CACNB2: variants seen among roughly 807,000 people sequenced by gnomAD.
CACNB2 encodes the protein calcium voltage-gated channel auxiliary subunit beta 2, also known as voltage-dependent L-type calcium channel subunit beta-2.
Under a neutral mutation model 73.3 loss-of-function variants are expected in CACNB2, and 42 were observed. The observed-to-expected ratio is 0.57, with a 90% CI of 0.45 to 0.74. The LOEUF is 0.74. Among genes scored for constraint, CACNB2 ranks in the 30% least tolerant of loss-of-function variants. The pLI, the probability that CACNB2 is intolerant of heterozygous loss-of-function variation, is 0.00. For synonymous variants in CACNB2, 348 were observed against 310.3 expected, an observed-to-expected ratio of 1.12 and a Z score of -1.28; for missense variants, 940 against 853.0, an observed-to-expected ratio of 1.10 and a Z score of -1.27.
chr10:18,436,956 T>G (rs1476578832), intron 3 of CACNB2, among the ~76,000 whole-genome samples: 2 of 152,206 alleles, frequency 1.3e-5, no homozygotes, highest in Non-Finnish European at 2.9e-5. Context: ...TTCCATTACT[T>G]TATTTTGAAC....
intron 2 of CACNB2, among the ~76,000 whole-genome samples, chr10:18,158,204 C>G (rs188792115): frequency 3.3e-5 from 5 of 152,282 alleles, no homozygotes; most frequent in East Asian, 1.9e-4. Context: ...ATGAATCACT[C>G]CTGTTGTGAA....
intron 2 of CACNB2, among the ~76,000 whole-genome samples, chr10:18,222,940 A>G (rs1185798143): frequency 6.6e-6 from 1 of 152,184 alleles, no homozygotes; most frequent in African/African-American, 2.4e-5. Flanking sequence ...CCATCTCAAA[A>G]AGAAAAATAA....
At chr10:18,274,124 G>C (rs2038175051) in intron 2 of CACNB2, among the ~76,000 whole-genome samples, 2 of 152,160 alleles carry the variant, frequency 1.3e-5, no homozygotes, top group Non-Finnish European at 2.9e-5. Context: ...GGGCGCAATG[G>C]ACTACATTGT....
intron 12 of CACNB2, among the ~76,000 whole-genome samples, chr10:18,537,787 A>G (rs2053749582): frequency 6.6e-6 from 1 of 152,162 alleles, no homozygotes; most frequent in Non-Finnish European, 1.5e-5. Flanking sequence ...AAAAAAAGAA[A>G]AAGAAAAAAG....
At chr10:18,461,254 A>G (rs976685861) in intron 3 of CACNB2, among the ~76,000 whole-genome samples, 1 of 152,098 alleles carries the variant, frequency 6.6e-6, no homozygotes, top group African/African-American at 2.4e-5. Context: ...TTCTTCAATT[A>G]CACACAATTC....
intron 3 of CACNB2, among the ~76,000 whole-genome samples, chr10:18,488,234 G>C (rs896648488): frequency 8.6e-5 from 13 of 151,674 alleles, no homozygotes; most frequent in African/African-American, 3.1e-4. Flanking sequence ...CCAGCATTTT[G>C]GGAGGCCGAG....
At chr10:18,227,369 G>A (rs1260499095) in intron 2 of CACNB2, among the ~76,000 whole-genome samples, 1 of 152,070 alleles carries the variant, frequency 6.6e-6, no homozygotes, top group Non-Finnish European at 1.5e-5. Context: ...GGCTCTGGAG[G>A]CTTCCATGTC....
chr10:18,201,114 A>G (rs905960851), intron 2 of CACNB2, among the ~76,000 whole-genome samples: 3 of 152,182 alleles, frequency 2.0e-5, no homozygotes, highest in South Asian at 2.1e-4. Context: ...ATAACTTACT[A>G]CTGGGAACAT....
intron 2 of CACNB2, among the ~76,000 whole-genome samples, chr10:18,241,897 T>C (rs968517831): frequency 1.3e-5 from 2 of 152,046 alleles, no homozygotes; most frequent in African/African-American, 2.4e-5. Flanking sequence ...AAGAGAAGAA[T>C]TGTAAGTGGA....
At chr10:18,281,941 C>G in intron 2 of CACNB2, among the ~76,000 whole-genome samples, 1 of 138,838 alleles carries the variant, frequency 7.2e-6, no homozygotes, top group Non-Finnish European at 1.5e-5. Context: ...GATGGTGCCA[C>G]TGCATTCCAG....
At chr10:18,505,982 G>A (rs927170564) in intron 5 of CACNB2, among the ~76,000 whole-genome samples, 3 of 152,144 alleles carry the variant, frequency 2.0e-5, no homozygotes, top group African/African-American at 7.2e-5. Context: ...GTTTTCATAT[G>A]GCTCTGTTGT....
At chr10:18,336,347 A>T (rs1439547946) in intron 2 of CACNB2, among the ~76,000 whole-genome samples, 4 of 152,200 alleles carry the variant, frequency 2.6e-5, no homozygotes, top group Admixed American at 2.0e-4. Flanking sequence ...TGGGCCAGAC[A>T]TGGCAGCTGA....
chr10:18,478,730 G>A (rs1162165674), intron 3 of CACNB2, among the ~76,000 whole-genome samples: 1 of 152,192 alleles, frequency 6.6e-6, no homozygotes, highest in Non-Finnish European at 1.5e-5. Context: ...TCCATTGAGA[G>A]GATCACTAGG....
intron 2 of CACNB2, among the ~76,000 whole-genome samples, chr10:18,268,358 T>C (rs1448136381): frequency 6.6e-6 from 1 of 152,188 alleles, no homozygotes; most frequent in Non-Finnish European, 1.5e-5. Context: ...AACATTAAAA[T>C]GTGTTTGACA....
chr10:18,182,259 T>G (rs1333192499), intron 2 of CACNB2, among the ~76,000 whole-genome samples: 2 of 151,800 alleles, frequency 1.3e-5, no homozygotes, highest in African/African-American at 4.8e-5. Context: ...GTCAAGAGTT[T>G]GAGACCAGTG....
chr10:18,280,406 G>A (rs1006357393), intron 2 of CACNB2, among the ~76,000 whole-genome samples: 1 of 152,098 alleles, frequency 6.6e-6, no homozygotes, highest in East Asian at 1.9e-4. Flanking sequence ...AAGGATGCCC[G>A]AGCCAAGATT....
At chr10:18,316,559 G>T (rs191660061) in intron 2 of CACNB2, among the ~76,000 whole-genome samples, 41 of 151,746 alleles carry the variant, frequency 2.7e-4, no homozygotes, top group Admixed American at 2.2e-3. Flanking sequence ...CAACTTCCAG[G>T]CTCAGGCAAT....
intron 3 of CACNB2, among the ~76,000 whole-genome samples, chr10:18,483,804 T>C (rs1319557632): frequency 6.6e-6 from 1 of 152,298 alleles, no homozygotes; most frequent in East Asian, 1.9e-4. Flanking sequence ...GTGTATAATT[T>C]TCTAAATAAG....
intron 2 of CACNB2, among the ~76,000 whole-genome samples, chr10:18,219,129 C>A (rs1281008157): frequency 6.6e-6 from 1 of 152,160 alleles, no homozygotes; most frequent in African/African-American, 2.4e-5. Context: ...CATGCCATTG[C>A]ATTCCAACCT....
Sources: gnomAD v4.1 joint callset for allele counts (sites outside exome capture counted in the v4.1 genomes callset) on GRCh38, gnomAD v4.1.1 for gene constraint, MANE v1.5 for transcripts, NCBI Gene and HGNC (gene_info 2026-07-23, HGNC 2026-07-21) for gene names.